The following GPC5 variants were observed in gnomAD, a reference collection of about 807,000 sequenced individuals.
GPC5 encodes glypican-5.
GPC5 carries 47 observed loss-of-function variants against 53.9 expected under a neutral mutation model. That is an observed-to-expected ratio of 0.87 (90% CI 0.69 to 1.11). The LOEUF is 1.11. GPC5 is among the 50% of genes most tolerant of loss of function. GPC5 has a pLI of 0.00. For synonymous variants in GPC5, 286 were observed against 263.3 expected, an observed-to-expected ratio of 1.09 and a Z score of -0.84; for missense variants, 748 against 713.1, an observed-to-expected ratio of 1.05 and a Z score of -0.56.
intron 6 of GPC5, among the ~76,000 whole-genome samples, chr13:92,017,030 C>G (rs1035960450): frequency 6.6e-6 from 1 of 152,048 alleles, no homozygotes; most frequent in Non-Finnish European, 1.5e-5. Flanking sequence ...AATGGCCTGT[C>G]GATGCTGGGT....
intron 7 of GPC5, among the ~76,000 whole-genome samples, chr13:92,648,250 A>T (rs1460441736): frequency 6.6e-6 from 1 of 152,058 alleles, no homozygotes; most frequent in East Asian, 1.9e-4. Context: ...AATTATGCTG[A>T]GTTACTACAA....
At chr13:91,450,873 A>G (rs552712478) in intron 2 of GPC5, among the ~76,000 whole-genome samples, 1 of 152,290 alleles carries the variant, frequency 6.6e-6, no homozygotes, top group Non-Finnish European at 1.5e-5. Context: ...CTAAAGGCTA[A>G]CTTTTCTGGA....
At chr13:92,591,345 C>T (rs1362981049) in intron 7 of GPC5, among the ~76,000 whole-genome samples, 1 of 152,080 alleles carries the variant, frequency 6.6e-6, no homozygotes, top group Non-Finnish European at 1.5e-5. Context: ...TTGCCTCCAG[C>T]GTGAGTTATG....
chr13:91,980,382 G>A (rs2040346190), intron 6 of GPC5, among the ~76,000 whole-genome samples: 1 of 151,888 alleles, frequency 6.6e-6, no homozygotes, highest in Admixed American at 6.6e-5. Flanking sequence ...ATAATACAGT[G>A]CACAGTCTTA....
chr13:91,509,799 C>T (rs575841706), intron 2 of GPC5, among the ~76,000 whole-genome samples: 171 of 152,074 alleles, frequency 1.1e-3, no homozygotes, highest in African/African-American at 4.1e-3. Flanking sequence ...ATCTAGTTTA[C>T]CTGGATTTCT....
chr13:91,869,898 C>T (rs956222640), intron 5 of GPC5, among the ~76,000 whole-genome samples: 3 of 152,152 alleles, frequency 2.0e-5, no homozygotes, highest in African/African-American at 7.2e-5. Flanking sequence ...TGAGAACTCA[C>T]TGTCATGAGA....
At chr13:91,796,812 T>C (rs2038054039) in intron 5 of GPC5, among the ~76,000 whole-genome samples, 1 of 152,214 alleles carries the variant, frequency 6.6e-6, no homozygotes, top group Admixed American at 6.5e-5. Context: ...CTTCAGGTTT[T>C]ATTTTTTCTG....
intron 7 of GPC5, among the ~76,000 whole-genome samples, chr13:92,739,827 T>C (rs1388944836): frequency 1.3e-5 from 2 of 152,066 alleles, no homozygotes; most frequent in Non-Finnish European, 2.9e-5. Context: ...TCTACTTTTC[T>C]GCTTCCCTCA....
At chr13:91,618,703 T>C (rs1209203777) in intron 2 of GPC5, among the ~76,000 whole-genome samples, 3 of 152,044 alleles carry the variant, frequency 2.0e-5, no homozygotes, top group Admixed American at 6.6e-5. Context: ...TTGTTTAAGT[T>C]TGGAAGTTGT....
chr13:91,885,963 T>A (rs2039317254), intron 5 of GPC5, among the ~76,000 whole-genome samples: 1 of 138,296 alleles, frequency 7.2e-6, no homozygotes, highest in African/African-American at 2.7e-5. Context: ...AGGATCATTT[T>A]TTAGGATTTT....
At chr13:92,754,752 A>T (rs1466132519) in intron 7 of GPC5, among the ~76,000 whole-genome samples, 1 of 151,664 alleles carries the variant, frequency 6.6e-6, no homozygotes, top group East Asian at 1.9e-4. Context: ...CATAATGGTA[A>T]AGGAATCAAT....
At chr13:91,665,508 T>TTTTTTTTTTTCTTTC (rs2035089191) in intron 2 of GPC5, among the ~76,000 whole-genome samples, 1 of 151,608 alleles carries the variant, frequency 6.6e-6, no homozygotes, top group African/African-American at 2.4e-5. Context: ...AGCCAGTCTT[T>TTTTTTTTTTTCTTTC]TTTTTTTCTT....
At chr13:92,087,377 A>C (rs1340640793) in intron 6 of GPC5, among the ~76,000 whole-genome samples, 1 of 152,232 alleles carries the variant, frequency 6.6e-6, no homozygotes, top group Non-Finnish European at 1.5e-5. Flanking sequence ...CATTTATATT[A>C]CAGCAAAGTA....
At chr13:92,269,446 T>C (rs7993815) in intron 7 of GPC5, among the ~76,000 whole-genome samples, 52,279 of 151,604 alleles carry the variant, frequency 0.34, 9,656 homozygotes, top group African/African-American at 0.48. Context: ...CGCTCTGTCG[T>C]CCAGGCTGGA....
chr13:91,411,982 C>G (rs979414887), intron 1 of GPC5, among the ~76,000 whole-genome samples: 2 of 152,202 alleles, frequency 1.3e-5, no homozygotes, highest in Non-Finnish European at 2.9e-5. Flanking sequence ...GCTTCATAAT[C>G]ATGCTTCTGT....
chr13:92,276,071 T>C (rs1026237500), intron 7 of GPC5, among the ~76,000 whole-genome samples: 1 of 152,072 alleles, frequency 6.6e-6, no homozygotes, highest in Non-Finnish European at 1.5e-5. Context: ...GTCAACTTGA[T>C]TGGGAAGAGG....
At chr13:92,847,603 C>T (rs1224593832) in intron 7 of GPC5, among the ~76,000 whole-genome samples, 2 of 151,996 alleles carry the variant, frequency 1.3e-5, no homozygotes, top group African/African-American at 2.4e-5. Context: ...GCTGTACAGC[C>T]TGGGGAACCA....
intron 2 of GPC5, among the ~76,000 whole-genome samples, chr13:91,452,646 T>A (rs1428130262): frequency 6.6e-6 from 1 of 152,118 alleles, no homozygotes; most frequent in East Asian, 1.9e-4. Flanking sequence ...TATGGTGTGA[T>A]GCATGGAGAA....
intron 6 of GPC5, among the ~76,000 whole-genome samples, chr13:91,990,028 C>T (rs1014460889): frequency 7.9e-5 from 12 of 152,076 alleles, no homozygotes; most frequent in Admixed American, 2.6e-4. Flanking sequence ...TTTAAAATAG[C>T]TCAGCCATAA....
Sources: gnomAD v4.1 joint callset for allele counts (sites outside exome capture counted in the v4.1 genomes callset) on GRCh38, gnomAD v4.1.1 for gene constraint, MANE v1.5 for transcripts, NCBI Gene and HGNC (gene_info 2026-07-23, HGNC 2026-07-21) for gene names.